Variants in ZNF385D observed in about 807,000 individuals in gnomAD.
ZNF385D encodes zinc finger protein 385D.
Under a neutral mutation model 35.8 loss-of-function variants are expected in ZNF385D, and 15 were observed. That is an observed-to-expected ratio of 0.42 (90% CI 0.28 to 0.64). The LOEUF (loss-of-function observed/expected upper bound fraction) is 0.64, where lower values mean the gene tolerates loss of function less well. Ranked by LOEUF, ZNF385D falls within the 30% of genes least tolerant of loss-of-function variation. The pLI is 0.23. For missense variants in ZNF385D, 474 were observed against 494.6 expected (o/e 0.96, Z 0.39); for synonymous variants, 212 against 186.8 (o/e 1.13, Z -1.10).
intron 3 of ZNF385D, among the ~76,000 whole-genome samples, chr3:22,046,056 C>G (rs1698988562): frequency 6.6e-6 from 1 of 151,576 alleles, no homozygotes; most frequent in Non-Finnish European, 1.5e-5. Context: ...TCAACCCTGG[C>G]AGATTCAGCT....
At chr3:21,598,526 A>G (rs1226458466) in intron 2 of ZNF385D, among the ~76,000 whole-genome samples, 2 of 152,230 alleles carry the variant, frequency 1.3e-5, no homozygotes, top group Admixed American at 6.5e-5. Context: ...AATGACTGAC[A>G]GTGAAGCAAT....
chr3:21,929,196 C>A (rs1008188528), intron 3 of ZNF385D, among the ~76,000 whole-genome samples: 3 of 151,808 alleles, frequency 2.0e-5, no homozygotes, highest in African/African-American at 7.3e-5. Context: ...ATATAATATA[C>A]CATATCAATA....
chr3:22,155,542 T>C (rs1245378092), intron 3 of ZNF385D, among the ~76,000 whole-genome samples: 1 of 151,994 alleles, frequency 6.6e-6, no homozygotes, highest in Non-Finnish European at 1.5e-5. Context: ...GACTAGTAAA[T>C]AAAATGAGAC....
At chr3:21,696,017 T>C (rs898432128) in intron 1 of ZNF385D, among the ~76,000 whole-genome samples, 8 of 152,136 alleles carry the variant, frequency 5.3e-5, no homozygotes, top group African/African-American at 1.9e-4. Context: ...TAGCCCTGTT[T>C]TACAAATAAG....
chr3:21,805,516 G>A (rs1271395325), intron 3 of ZNF385D, among the ~76,000 whole-genome samples: 1 of 152,144 alleles, frequency 6.6e-6, no homozygotes, highest in Non-Finnish European at 1.5e-5. Flanking sequence ...TGATTTAGGA[G>A]AAAGAACAAA....
chr3:21,574,834 A>C (rs190760361), intron 2 of ZNF385D, among the ~76,000 whole-genome samples: 1 of 152,262 alleles, frequency 6.6e-6, no homozygotes, highest in Non-Finnish European at 1.5e-5. Flanking sequence ...CATCAATTCC[A>C]TAAATTGATT....
At chr3:22,328,403 T>C (rs961936982) in intron 2 of ZNF385D, among the ~76,000 whole-genome samples, 7 of 152,314 alleles carry the variant, frequency 4.6e-5, no homozygotes, top group African/African-American at 1.2e-4. Context: ...GATGTTAGTA[T>C]ATAAGTATAC....
At chr3:21,552,626 A>T (rs1426516305) in intron 3 of ZNF385D, among the ~76,000 whole-genome samples, 1 of 152,232 alleles carries the variant, frequency 6.6e-6, no homozygotes, top group East Asian at 1.9e-4. Flanking sequence ...AATAGAAAGT[A>T]TAAGGGCAAT....
intron 3 of ZNF385D, chr3:21,777,562 T>G (rs1257318366): frequency 6.6e-6 from 1 of 151,964 alleles, no homozygotes; most frequent in African/African-American, 2.4e-5. Flanking sequence ...AAACACTGTA[T>G]GAACTTCATA....
At chr3:21,771,399 C>A (rs1575621257) in intron 3 of ZNF385D, among the ~76,000 whole-genome samples, 1 of 151,644 alleles carries the variant, frequency 6.6e-6, no homozygotes, top group Admixed American at 6.6e-5. Flanking sequence ...AGAGTTACCA[C>A]ATTATTAGAT....
chr3:22,062,093 A>G (rs898815524), intron 3 of ZNF385D, among the ~76,000 whole-genome samples: 1 of 152,160 alleles, frequency 6.6e-6, no homozygotes, highest in African/African-American at 2.4e-5. Context: ...GCTGGAGTGC[A>G]GTGGCATAAT....
chr3:21,715,658 G>C (rs2068289335), intron 1 of ZNF385D, among the ~76,000 whole-genome samples: 3 of 152,026 alleles, frequency 2.0e-5, no homozygotes, highest in South Asian at 4.2e-4. Flanking sequence ...TCTAGTTTTA[G>C]TTCTTAAGAA....
chr3:21,744,097 T>A (rs188176747), intron 1 of ZNF385D, among the ~76,000 whole-genome samples: 2 of 152,072 alleles, frequency 1.3e-5, no homozygotes, highest in African/African-American at 2.4e-5. Context: ...TGACATAGAG[T>A]CTACACCTTA....
At chr3:22,025,069 T>G (rs1697453875) in intron 3 of ZNF385D, among the ~76,000 whole-genome samples, 1 of 152,232 alleles carries the variant, frequency 6.6e-6, no homozygotes, top group Non-Finnish European at 1.5e-5. Flanking sequence ...ACCCTGCAAC[T>G]TGGAATGGGG....
chr3:22,142,589 C>T (rs913547771), intron 3 of ZNF385D, among the ~76,000 whole-genome samples: 1 of 151,976 alleles, frequency 6.6e-6, no homozygotes, highest in Admixed American at 6.6e-5. Flanking sequence ...CGGTGGTCTC[C>T]AACCCGAGAA....
chr3:21,647,295 T>C (rs2065778991), intron 2 of ZNF385D, among the ~76,000 whole-genome samples: 1 of 151,908 alleles, frequency 6.6e-6, no homozygotes, highest in Non-Finnish European at 1.5e-5. Context: ...TATTCAAATA[T>C]GGCAGCAGTG....
At chr3:21,868,276 A>T (rs12485566) in intron 3 of ZNF385D, among the ~76,000 whole-genome samples, 13,581 of 152,132 alleles carry the variant, frequency 0.089, 756 homozygotes, top group East Asian at 0.14. Flanking sequence ...GTGTACTAAT[A>T]AACATATATT....
At chr3:22,183,634 A>C (rs62248929) in intron 2 of ZNF385D, among the ~76,000 whole-genome samples, 20,378 of 152,148 alleles carry the variant, frequency 0.13, 1,531 homozygotes, top group East Asian at 0.24. Flanking sequence ...AAAGTTTTAA[A>C]ACCAAGGATT....
At chr3:22,086,363 T>C (rs1192978012) in intron 3 of ZNF385D, among the ~76,000 whole-genome samples, 1 of 152,206 alleles carries the variant, frequency 6.6e-6, no homozygotes, top group Non-Finnish European at 1.5e-5. Context: ...AGTCTCAGGA[T>C]ACAAAATCAA....
Sources: allele counts gnomAD v4.1 joint callset (sites outside exome capture counted in the v4.1 genomes callset), GRCh38; gene constraint gnomAD v4.1.1; transcripts MANE v1.5; gene names NCBI Gene and HGNC (gene_info 2026-07-23, HGNC 2026-07-21).